The following RGS7 variants were observed in gnomAD, a reference collection of about 807,000 sequenced individuals.
The protein encoded by RGS7 is regulator of G protein signaling 7.
Under a neutral mutation model 81.1 loss-of-function variants are expected in RGS7, and 27 were observed. That is an observed-to-expected ratio of 0.33 (90% CI 0.25 to 0.46). The LOEUF is 0.46. Ranked by LOEUF, RGS7 falls within the 20% of genes least tolerant of loss-of-function variation. The pLI is 1.00. For synonymous variants in RGS7, 208 were observed against 207.7 expected (o/e 1.00, Z -0.01); for missense variants, 396 against 607.4 (o/e 0.65, Z 3.66).
At chr1:241,088,328 A>G (rs1442809111) in intron 3 of RGS7, among the ~76,000 whole-genome samples, 1 of 152,044 alleles carries the variant, frequency 6.6e-6, no homozygotes, top group Non-Finnish European at 1.5e-5. Flanking sequence ...GAAGAGGATC[A>G]GAACACGCCA....
Position 241,230,282 on chromosome 1 carries a change from C to T in RGS7, c.78+125417G>A, listed in dbSNP as rs572099998. Among the ~76,000 whole-genome samples the T allele has an allele frequency of 4.1e-3, 621 of 151,780 alleles. 6 individuals carry two copies. The highest frequency in any genetic ancestry group is 0.014 in the African/African-American group (598 of 41,360). Reference sequence around the variant, plus strand: ...AGGCTGAAGTGCAGTGGTGTGATCTCGGCTCACTGAAAACTCCGCCTCCCA... The same window carrying T: ...AGGCTGAAGTGCAGTGGTGTGATCTTGGCTCACTGAAAACTCCGCCTCCCA... On this transcript the variant is annotated intron_variant, in intron 2 of 18. Coordinates refer to ENST00000440928, the MANE Select transcript of RGS7 (RefSeq NM_001364886.1).
At chr1:241,008,625 G>T (rs1418087356) in intron 3 of RGS7, among the ~76,000 whole-genome samples, 5 of 151,856 alleles carry the variant, frequency 3.3e-5, no homozygotes, top group African/African-American at 4.8e-5. Context: ...AGCCTTAATG[G>T]AATGTGGCCG....
intron 2 of RGS7, among the ~76,000 whole-genome samples, chr1:241,223,277 C>A (rs2075120017): frequency 6.6e-6 from 1 of 152,206 alleles, no homozygotes; most frequent in Non-Finnish European, 1.5e-5. Context: ...TAGCTTAACA[C>A]AATGGAAGTT....
At chr1:241,174,895 G>GTTTTTTTTT (rs551122102) in intron 2 of RGS7, among the ~76,000 whole-genome samples, 17 of 69,236 alleles carry the variant, frequency 2.5e-4, no homozygotes, top group African/African-American at 4.8e-4. Context: ...ACAGAATTTT[G>GTTTTTTTTT]TTTTTTTTTT....
chr1:241,289,585 C>T (rs925033075), intron 2 of RGS7, among the ~76,000 whole-genome samples: 7 of 152,206 alleles, frequency 4.6e-5, no homozygotes, highest in Non-Finnish European at 8.8e-5. Flanking sequence ...AATTCTATAA[C>T]ATAGTTGTTA....
At chr1:241,083,917 G>GGAGTCTCTTATTA (rs61147894) in intron 3 of RGS7, among the ~76,000 whole-genome samples, 8,938 of 152,172 alleles carry the variant, frequency 0.059, 317 homozygotes, top group East Asian at 0.18. Context: ...GTTTCAGAAA[G>GGAGTCTCTTATTA]GAGTCTCAGA....
chr1:241,014,792 A>G (rs1244230539), intron 3 of RGS7, among the ~76,000 whole-genome samples: 1 of 152,244 alleles, frequency 6.6e-6, no homozygotes, highest in East Asian at 1.9e-4. Context: ...GAAAATCTTG[A>G]GGACGAATAC....
chr1:240,976,796 CT>C (rs1553373271), intron 4 of RGS7, among the ~76,000 whole-genome samples: 1 of 54,108 alleles, frequency 1.8e-5, no homozygotes, highest in African/African-American at 3.9e-5. Context: ...TATTATCCAT[CT>C]ATCTATCATC....
chr1:240,962,504 G>A (rs1175723860), intron 4 of RGS7, among the ~76,000 whole-genome samples: 1 of 152,056 alleles, frequency 6.6e-6, no homozygotes, highest in Non-Finnish European at 1.5e-5. Context: ...CAATGTAGGA[G>A]AACAAAACCC....
chr1:240,879,145 C>T (rs1322983855), intron 6 of RGS7, among the ~76,000 whole-genome samples: 1 of 152,182 alleles, frequency 6.6e-6, no homozygotes, highest in Non-Finnish European at 1.5e-5. Context: ...GCATTAAAGT[C>T]TAACCCTTTC....
chr1:241,338,895 ATT>A, intron 2 of RGS7, among the ~76,000 whole-genome samples: 1 of 151,704 alleles, frequency 6.6e-6, no homozygotes, highest in African/African-American at 2.4e-5. Flanking sequence ...GCACATATTA[ATT>A]TTTTTTAAGT....
At chr1:241,350,837 G>T (rs1460616656) in intron 2 of RGS7, among the ~76,000 whole-genome samples, 2 of 151,750 alleles carry the variant, frequency 1.3e-5, no homozygotes, top group African/African-American at 4.8e-5. Flanking sequence ...GACCAGATGG[G>T]CAGTCCTGCA....
chr1:241,177,067 A>C (rs888293395), intron 2 of RGS7, among the ~76,000 whole-genome samples: 3 of 152,232 alleles, frequency 2.0e-5, no homozygotes, highest in Non-Finnish European at 2.9e-5. Context: ...GATGAGAACC[A>C]TGAACAATAT....
In RGS7 at chr1:241,223,710, C is replaced by CA. The variant is rs60885152; in HGVS notation, c.79-124949dup. ...AATCAGGATCATAAATTAGACATTG[C>CA]AAAAAAAAAAAAAGAAAGAAAATTC... On this transcript the variant is annotated intron_variant, in intron 2 of 18. Coordinates refer to ENST00000440928, the MANE Select transcript of RGS7 (RefSeq NM_001364886.1). Among the ~76,000 whole-genome samples the CA allele has an allele frequency of 2.3e-3, 313 of 135,090 alleles. 2 individuals carry two copies. Among genetic ancestry groups the CA allele is most frequent in the African/African-American group, 6.9e-3 (255 of 36,732 alleles). 88.6% of individuals were successfully genotyped at this position (135,090 alleles called of 152,430 possible). A position where few individuals can be genotyped will look rare whatever the true frequency, so the allele number is the denominator to read the frequency against.
At chr1:240,975,055 C>G (rs1191548526) in intron 4 of RGS7, among the ~76,000 whole-genome samples, 2 of 152,108 alleles carry the variant, frequency 1.3e-5, no homozygotes, top group Non-Finnish European at 2.9e-5. Context: ...ACTCAAGAAG[C>G]ATGGGATGAT....
chr1:241,148,401 G>T (rs2068511880), intron 2 of RGS7, among the ~76,000 whole-genome samples: 1 of 152,026 alleles, frequency 6.6e-6, no homozygotes. Context: ...TAATGAATTG[G>T]TTCTGCTGAA....
chr1:241,041,434 C>A (rs78906446), intron 3 of RGS7, among the ~76,000 whole-genome samples: 1 of 151,968 alleles, frequency 6.6e-6, no homozygotes, highest in African/African-American at 2.4e-5. Context: ...TACTTATGGC[C>A]CTGGGCAGGA....
At position 241,316,574 on chromosome 1, in the gene RGS7, T is replaced by C. The variant is rs374833926; in HGVS notation, c.78+39125A>G. On this transcript the variant is annotated intron_variant, in intron 2 of 18. Transcript: ENST00000440928. ...TGTAAGTATTTCACAATACCAAACA[T>C]GTGGTGAGGCATTCTTGCATCCCAA... Among the ~76,000 whole-genome samples, 43 of 152,336 alleles carry C rather than the reference T, an allele frequency of 2.8e-4. No homozygotes were observed. In the South Asian group the frequency reaches 6.6e-3, roughly 23 times the overall value.
intron 2 of RGS7, among the ~76,000 whole-genome samples, chr1:241,129,957 T>C (rs1469163716): frequency 2.0e-5 from 3 of 152,212 alleles, no homozygotes; most frequent in Non-Finnish European, 4.4e-5. Flanking sequence ...AAATTAAAGA[T>C]GTAACTGAGT....
Sources: gnomAD v4.1 joint callset for allele counts (sites outside exome capture counted in the v4.1 genomes callset) on GRCh38, gnomAD v4.1.1 for gene constraint, MANE v1.5 for transcripts, NCBI Gene and HGNC (gene_info 2026-07-23, HGNC 2026-07-21) for gene names.